Variants in ADGRG7 observed in about 807,000 individuals in gnomAD.
ADGRG7 encodes the protein G-protein coupled receptor 128.
ADGRG7 carries 82 observed loss-of-function variants against 88.6 expected under a neutral mutation model. The observed-to-expected ratio is 0.93, with a 90% CI of 0.77 to 1.11. The LOEUF is 1.11. Among genes scored for constraint, ADGRG7 ranks in the 50% most tolerant of loss-of-function variants. The probability of loss-of-function intolerance (pLI) is 0.00; values close to 1 mark genes in which losing one functional copy is unlikely to be tolerated. For synonymous variants in ADGRG7, 381 were observed against 345.2 expected, an observed-to-expected ratio of 1.10 and a Z score of -1.15; for missense variants, 945 against 953.4, an observed-to-expected ratio of 0.99 and a Z score of 0.12.
At chr3:100,688,508 G>A (rs1263724536) in intron 15 of ADGRG7, among the ~76,000 whole-genome samples, 2 of 152,122 alleles carry the variant, frequency 1.3e-5, no homozygotes, top group Non-Finnish European at 2.9e-5. Flanking sequence ...TCTCTTGTGG[G>A]CATTTAGTGC....
chr3:100,689,870 G>A lies in ADGRG7; in HGVS notation c.2137-4874G>A, dbSNP rs1050389421. 3.3e-5 allele frequency among the ~76,000 whole-genome samples: 5 copies of A among 152,036 alleles called. No individual in the cohort carries two copies. The East Asian group carries it at 5.8e-4, about 18-fold the overall frequency. ...TATGTGTCTTGGAGTTGCTCTTCTC[G>A]AGGAGTATCTTTGTGGCGTTCTCTG... is the stretch of plus-strand genomic sequence containing the variant. On this transcript the variant is annotated intron_variant, in intron 15 of 15. Coordinates refer to ENST00000273352, the MANE Select transcript of ADGRG7 (RefSeq NM_032787.3).
chr3:100,628,252 TC>T (rs1361892204), intron 1 of ADGRG7, among the ~76,000 whole-genome samples: 2 of 152,164 alleles, frequency 1.3e-5, no homozygotes, highest in African/African-American at 4.8e-5. Flanking sequence ...TCCAATGCCT[TC>T]AAGTAGTTTT....
intron 14 of ADGRG7, among the ~76,000 whole-genome samples, chr3:100,662,358 C>T (rs188483224): frequency 5.3e-4 from 81 of 152,234 alleles, no homozygotes; most frequent in African/African-American, 1.9e-3. Flanking sequence ...TTTAGCAACA[C>T]GCTCTTAACA....
At chr3:100,612,794 A>G (rs1018282014) in intron 1 of ADGRG7, among the ~76,000 whole-genome samples, 1 of 152,162 alleles carries the variant, frequency 6.6e-6, no homozygotes, top group Non-Finnish European at 1.5e-5. Flanking sequence ...CTATCACAGG[A>G]TACACCTGTT....
intron 1 of ADGRG7, among the ~76,000 whole-genome samples, chr3:100,612,940 A>G (rs1010130250): frequency 2.6e-5 from 4 of 152,116 alleles, no homozygotes; most frequent in Admixed American, 2.6e-4. Flanking sequence ...TCCAGGCTGG[A>G]CTGTGGTGGC....
At chr3:100,687,586 AG>A (rs1490180168) in intron 15 of ADGRG7, among the ~76,000 whole-genome samples, 4 of 152,058 alleles carry the variant, frequency 2.6e-5, no homozygotes, top group Non-Finnish European at 5.9e-5. Flanking sequence ...TTTAGCACGA[AG>A]GGTTGTTGAA....
intron 14 of ADGRG7, among the ~76,000 whole-genome samples, chr3:100,660,681 A>C (rs1164086132): frequency 1.3e-5 from 2 of 149,908 alleles, no homozygotes; most frequent in African/African-American, 4.9e-5. Flanking sequence ...GGCAGGGCGC[A>C]GTGGCTCATG....
Position 100,684,948 on chromosome 3 carries a change from TA to T in ADGRG7, c.2137-9794del, listed in dbSNP as rs539401093. ...AATTTAAAATTTATCATGTTGTGGT[TA>T]AGTTATACTGTCTACATTATTTTCT... On this transcript the variant is annotated intron_variant, in intron 15 of 15. Transcript: ENST00000273352. 7.6e-4 allele frequency among the ~76,000 whole-genome samples: 115 copies of T among 152,260 alleles called. 3 individuals are homozygous for T. The East Asian group carries it at 0.021, about 28-fold the overall frequency.
At chr3:100,618,720 T>A (rs550729205) in intron 1 of ADGRG7, among the ~76,000 whole-genome samples, 1 of 152,306 alleles carries the variant, frequency 6.6e-6, no homozygotes, top group South Asian at 2.1e-4. Flanking sequence ...TGGTTCCGTA[T>A]GAACTTTAAA....
At chr3:100,667,413 G>A (rs564048997) in intron 14 of ADGRG7, among the ~76,000 whole-genome samples, 1 of 152,268 alleles carries the variant, frequency 6.6e-6, no homozygotes, top group African/African-American at 2.4e-5. Context: ...ACCTGTGAGT[G>A]AGAACATGCA....
intron 1 of ADGRG7, among the ~76,000 whole-genome samples, chr3:100,612,691 C>A (rs1269485568): frequency 1.3e-5 from 2 of 152,152 alleles, no homozygotes; most frequent in African/African-American, 4.8e-5. Flanking sequence ...ATATTCTACA[C>A]CTCTTCTGGT....
At chr3:100,691,498 C>A (rs1476524860) in intron 15 of ADGRG7, among the ~76,000 whole-genome samples, 3 of 152,104 alleles carry the variant, frequency 2.0e-5, no homozygotes, top group Non-Finnish European at 4.4e-5. Context: ...ATTCGGCCAT[C>A]TTGGCTCCAC....
chr3:100,651,619 G>A (rs983692253), intron 11 of ADGRG7, among the ~76,000 whole-genome samples: 7 of 152,032 alleles, frequency 4.6e-5, no homozygotes, highest in Non-Finnish European at 8.8e-5. Context: ...CAAGGCAGGA[G>A]GATTGCTTGA....
Position 100,635,716 on chromosome 3 carries a change from G to C in ADGRG7, c.487G>C (p.Glu163Gln). ...AGCACCACTTAATAACATTTCTTCT[G>C]AAGTCCAGATTTTAACATCTGATGC... The part of the protein sequence containing the change: ...VTAPLNNISS[E>Q]VQILTSDANK... Residue 163 changes from glutamate (E) to glutamine (Q), a missense_variant, in exon 5 of 16, where the codon GAA becomes CAA. Physicochemically the swap from Glu to Gln is conservative, Grantham distance 29. Coordinates refer to ENST00000273352, the MANE Select transcript of ADGRG7 (RefSeq NM_032787.3). 1 of 1,613,898 alleles carries C rather than the reference G, an allele frequency of 6.2e-7. No individual in the cohort carries two copies. The highest frequency in any genetic ancestry group is 8.5e-7 in the Non-Finnish European group (1 of 1,179,908).
intron 3 of ADGRG7, among the ~76,000 whole-genome samples, chr3:100,632,164 G>T (rs1456598091): frequency 6.6e-6 from 1 of 152,056 alleles, no homozygotes; most frequent in East Asian, 1.9e-4. Flanking sequence ...AAGAGTAAAA[G>T]TGTCAGTAAC....
intron 2 of ADGRG7, among the ~76,000 whole-genome samples, chr3:100,629,997 G>A (rs1374547072): frequency 3.3e-5 from 5 of 152,090 alleles, no homozygotes; most frequent in Admixed American, 3.3e-4. Context: ...GGCAATGAAT[G>A]ACATGATTCT....
chr3:100,632,565 G>GT, intron 3 of ADGRG7, among the ~76,000 whole-genome samples: 2 of 152,276 alleles, frequency 1.3e-5, no homozygotes, highest in Middle Eastern at 6.8e-3. Flanking sequence ...ATGTCATGGT[G>GT]TAGAGGTGAA....
intron 15 of ADGRG7, among the ~76,000 whole-genome samples, chr3:100,674,486 C>T (rs748146921): frequency 1.1e-4 from 17 of 151,580 alleles, no homozygotes; most frequent in Non-Finnish European, 4.4e-5. Context: ...TTATAGTTTT[C>T]GTTGTAGAGA....
chr3:100,629,583 T>A lies in ADGRG7; in HGVS notation c.116-15T>A. 6.4e-7 allele frequency: 1 copy of A among 1,574,492 alleles called. No homozygotes were observed. On this transcript the variant is annotated splice_polypyrimidine_tract_variant and intron_variant, in intron 1 of 15. Transcript: ENST00000273352. ...AGCCAGTTCATGACTATTCTGTTAT[T>A]TATTGTTTCTTTAGGAAAATCTACT...
Sources: allele counts gnomAD v4.1 joint callset (sites outside exome capture counted in the v4.1 genomes callset), GRCh38; gene constraint gnomAD v4.1.1; transcripts MANE v1.5; gene names NCBI Gene and HGNC (gene_info 2026-07-23, HGNC 2026-07-21).